Variants in AKAP6 observed in about 807,000 individuals in gnomAD.
AKAP6 encodes the protein A-kinase anchoring protein 6.
AKAP6 carries 58 observed loss-of-function variants against 188.5 expected under a neutral mutation model. That is an observed-to-expected ratio of 0.31 (90% CI 0.25 to 0.38). The LOEUF (loss-of-function observed/expected upper bound fraction) is 0.38. Ranked by LOEUF, AKAP6 falls within the 10% of genes least tolerant of loss-of-function variation. AKAP6 has a pLI of 1.00. For missense variants in AKAP6, 2,710 were observed against 2,740.0 expected (o/e 0.99, Z 0.24); for synonymous variants, 989 against 998.6 (o/e 0.99, Z 0.18).
At chr14:32,732,781 T>C in intron 10 of AKAP6, 181 bp downstream of exon 10, 1 of 749,884 alleles carries the variant, frequency 1.3e-6, no homozygotes, top group East Asian at 2.7e-5. Context: ...TGTTGATTTT[T>C]TTTTTTTCTG....
intron 7 of AKAP6, among the ~76,000 whole-genome samples, chr14:32,667,611 G>T (rs1889003232): frequency 6.6e-6 from 1 of 152,146 alleles, no homozygotes; most frequent in Non-Finnish European, 1.5e-5. Flanking sequence ...TCTTGACAGG[G>T]TGGGTGTCGG....
chr14:32,758,839 A>G (rs1229096702), intron 11 of AKAP6, among the ~76,000 whole-genome samples: 1 of 152,228 alleles, frequency 6.6e-6, no homozygotes, highest in Non-Finnish European at 1.5e-5. Flanking sequence ...AACAGAATTA[A>G]AAACACATAT....
At chr14:32,698,255 C>T (rs1890483226) in intron 9 of AKAP6, among the ~76,000 whole-genome samples, 1 of 152,034 alleles carries the variant, frequency 6.6e-6, no homozygotes, top group African/African-American at 2.4e-5. Context: ...CAGGGATTTC[C>T]AGGTTAAGTC....
intron 11 of AKAP6, among the ~76,000 whole-genome samples, chr14:32,769,295 G>GCCT (rs1203029106): frequency 6.6e-6 from 1 of 151,764 alleles, no homozygotes; most frequent in Non-Finnish European, 1.5e-5. Flanking sequence ...TGATCCGCCT[G>GCCT]CCTCCTCCTC....
intron 12 of AKAP6, among the ~76,000 whole-genome samples, chr14:32,812,339 A>T (rs2034257928): frequency 6.6e-6 from 1 of 152,216 alleles, no homozygotes; most frequent in Admixed American, 6.5e-5. Flanking sequence ...GTAATACTAA[A>T]GAGGTAAGAA....
chr14:32,829,652 T>C (rs1353793596), intron 13 of AKAP6, among the ~76,000 whole-genome samples, 196 bp from the exon 14 acceptor site: 3 of 152,140 alleles, frequency 2.0e-5, no homozygotes, highest in Non-Finnish European at 4.4e-5. Context: ...TTTTCACATC[T>C]ACGCTGAGAC....
At chr14:32,600,876 T>C in intron 7 of AKAP6, 84 bp downstream of exon 7, 1 of 1,334,776 alleles carries the variant, frequency 7.5e-7, no homozygotes, top group Non-Finnish European at 1.0e-6. Context: ...TTTCCAACCC[T>C]AAGGCTTTTT....
At chr14:32,746,668 C>A (rs10132702) in intron 11 of AKAP6, among the ~76,000 whole-genome samples, 3,055 of 152,210 alleles carry the variant, frequency 0.02, 108 homozygotes, top group African/African-American at 0.07. Flanking sequence ...TGGATGAGAA[C>A]ACTGAGGTGG....
rs2034841920 is a variant in AKAP6 at position 32,833,423 on chromosome 14, T to C, written c.*3618T>C. On this transcript the variant is annotated 3_prime_UTR_variant, in exon 14 of 14. Transcript: ENST00000280979. ...AGAAAATCTAGTGAGCAAAACGGTA[T>C]ACAAAAAATCATCTGGATCTGACTA... 6.6e-6 allele frequency: 1 copy of C among 152,186 alleles called. No individual in the cohort carries two copies. The highest frequency in any genetic ancestry group is 2.4e-5 in the African/African-American group (1 of 41,450). 9.4% of individuals were successfully genotyped at this position (152,186 alleles called of 1,614,324 possible).
intron 13 of AKAP6, among the ~76,000 whole-genome samples, chr14:32,829,414 G>A (rs553688498): frequency 1.3e-5 from 2 of 152,278 alleles, no homozygotes; most frequent in East Asian, 1.9e-4. Context: ...AAGCCTGAGA[G>A]CCTATCAGCT....
At chr14:32,399,805 T>C (rs1889023713) in intron 1 of AKAP6, among the ~76,000 whole-genome samples, 1 of 152,188 alleles carries the variant, frequency 6.6e-6, no homozygotes, top group African/African-American at 2.4e-5. Flanking sequence ...TTTAGACTTA[T>C]AATAATAGTT....
chr14:32,671,083 A>G (rs1889170441), intron 7 of AKAP6, among the ~76,000 whole-genome samples: 2 of 152,332 alleles, frequency 1.3e-5, no homozygotes, highest in Admixed American at 6.5e-5. Context: ...GTTCAGCTAC[A>G]TGTGATAAGT....
chr14:32,566,728 C>A (rs1371230771), intron 4 of AKAP6, among the ~76,000 whole-genome samples: 3 of 152,080 alleles, frequency 2.0e-5, no homozygotes, highest in African/African-American at 7.2e-5. Context: ...TTTGCTAAGC[C>A]AATAGTACTT....
intron 2 of AKAP6, among the ~76,000 whole-genome samples, chr14:32,458,245 C>T (rs1221061841): frequency 6.6e-6 from 1 of 152,098 alleles, no homozygotes; most frequent in Non-Finnish European, 1.5e-5. Context: ...TTATGTACAT[C>T]TTTAATATAT....
At chr14:32,697,062 G>A (rs1006448575) in intron 9 of AKAP6, among the ~76,000 whole-genome samples, 1 of 152,030 alleles carries the variant, frequency 6.6e-6, no homozygotes, top group Non-Finnish European at 1.5e-5. Context: ...CTACCTTCTA[G>A]TTTTTAAAAA....
At chr14:32,361,071 T>TATA (rs1213844124) in intron 1 of AKAP6, among the ~76,000 whole-genome samples, 4 of 149,112 alleles carry the variant, frequency 2.7e-5, no homozygotes, top group Non-Finnish European at 4.5e-5. Flanking sequence ...TATATATATA[T>TATA]TTGAGAAGCT....
chr14:32,733,098 G>T (rs530432220), intron 10 of AKAP6: 1 of 160,098 alleles, frequency 6.2e-6, no homozygotes, highest in East Asian at 1.8e-4. Flanking sequence ...TTGCAGAATT[G>T]AATCAGCCTG....
chr14:32,349,519 C>T (rs530138151), intron 1 of AKAP6, among the ~76,000 whole-genome samples: 1 of 152,278 alleles, frequency 6.6e-6, no homozygotes, highest in East Asian at 1.9e-4. Flanking sequence ...GATCTGTGGA[C>T]ATGTCAGGGC....
intron 7 of AKAP6, among the ~76,000 whole-genome samples, chr14:32,621,572 G>A (rs754618104): frequency 2.0e-5 from 3 of 151,964 alleles, no homozygotes; most frequent in Non-Finnish European, 2.9e-5. Flanking sequence ...TAAAAATTGA[G>A]GCTTGTTTTG....
Sources: allele counts gnomAD v4.1 joint callset (sites outside exome capture counted in the v4.1 genomes callset), GRCh38; gene constraint gnomAD v4.1.1; transcripts MANE v1.5; gene names NCBI Gene and HGNC (gene_info 2026-07-23, HGNC 2026-07-21).